LRFN2: variants seen among roughly 807,000 people sequenced by gnomAD.
The protein encoded by LRFN2 is leucine-rich repeat and fibronectin type-III domain-containing protein 2.
LRFN2 carries 18 observed loss-of-function variants against 37.3 expected under a neutral mutation model. That is an observed-to-expected ratio of 0.48 (90% CI 0.33 to 0.72). The LOEUF (loss-of-function observed/expected upper bound fraction) is 0.72, where lower values mean the gene tolerates loss of function less well. Among genes scored for constraint, LRFN2 ranks in the 30% least tolerant of loss-of-function variants. The pLI is 0.02. For missense variants in LRFN2, 1,006 were observed against 1,060.7 expected, an observed-to-expected ratio of 0.95 and a Z score of 0.72; for synonymous variants, 556 against 466.6, an observed-to-expected ratio of 1.19 and a Z score of -2.47.
chr6:40,536,469 C>T (rs1399036227), intron 1 of LRFN2, among the ~76,000 whole-genome samples: 1 of 152,146 alleles, frequency 6.6e-6, no homozygotes, highest in Non-Finnish European at 1.5e-5. Flanking sequence ...AGAATGACAG[C>T]AAATGAAGGT....
intron 2 of LRFN2, among the ~76,000 whole-genome samples, chr6:40,422,686 G>A (rs535693374): frequency 1.5e-4 from 23 of 152,258 alleles, no homozygotes; most frequent in African/African-American, 4.3e-4. Context: ...CACCACTACA[G>A]CATTGTCCCC....
chr6:40,506,272 A>G (rs958780941), intron 1 of LRFN2, among the ~76,000 whole-genome samples: 2 of 152,224 alleles, frequency 1.3e-5, no homozygotes, highest in Non-Finnish European at 1.5e-5. Flanking sequence ...ACCACAAGTC[A>G]TCAGAATAAA....
chr6:40,447,135 C>T (rs1763989970), intron 1 of LRFN2, among the ~76,000 whole-genome samples: 1 of 152,224 alleles, frequency 6.6e-6, no homozygotes, highest in South Asian at 2.1e-4. Context: ...GGCTGTGTCT[C>T]CGCTCAGACT....
At chr6:40,451,005 T>A (rs1436850275) in intron 1 of LRFN2, among the ~76,000 whole-genome samples, 1 of 152,200 alleles carries the variant, frequency 6.6e-6, no homozygotes, top group Non-Finnish European at 1.5e-5. Flanking sequence ...ACACCATAAA[T>A]GCATCTCCAT....
At chr6:40,484,586 G>A (rs1561874132) in intron 1 of LRFN2, among the ~76,000 whole-genome samples, 1 of 152,170 alleles carries the variant, frequency 6.6e-6, no homozygotes, top group Non-Finnish European at 1.5e-5. Flanking sequence ...AGTATACTTG[G>A]AGGGGCAGGG....
intron 1 of LRFN2, among the ~76,000 whole-genome samples, chr6:40,472,313 A>T (rs1764617154): frequency 6.6e-6 from 1 of 152,236 alleles, no homozygotes; most frequent in South Asian, 2.1e-4. Flanking sequence ...GGGGCTTTGA[A>T]AAAACCAGGA....
intron 1 of LRFN2, among the ~76,000 whole-genome samples, chr6:40,513,543 A>G (rs1765774390): frequency 6.6e-6 from 1 of 152,154 alleles, no homozygotes; most frequent in Admixed American, 6.5e-5. Flanking sequence ...CTCATTTAAC[A>G]ATTTTTTGAA....
chr6:40,450,767 C>G (rs1222203318), intron 1 of LRFN2, among the ~76,000 whole-genome samples: 1 of 152,202 alleles, frequency 6.6e-6, no homozygotes, highest in Non-Finnish European at 1.5e-5. Flanking sequence ...TTTCACTGGC[C>G]TCCACCTCCA....
intron 1 of LRFN2, among the ~76,000 whole-genome samples, chr6:40,466,893 C>T (rs1273454772): frequency 6.6e-6 from 1 of 151,912 alleles, no homozygotes; most frequent in Non-Finnish European, 1.5e-5. Context: ...TATATGGGGC[C>T]GTAATCCCAT....
intron 2 of LRFN2, among the ~76,000 whole-genome samples, chr6:40,412,474 T>C (rs990512013): frequency 3.3e-5 from 5 of 152,184 alleles, no homozygotes; most frequent in African/African-American, 1.2e-4. Context: ...GTACATCGTC[T>C]GGAGGGTATG....
Position 40,432,701 on chromosome 6 carries a change from C to A in LRFN2, c.413G>T (p.Gly138Val). Reference protein sequence around the residue: ...HLIVNNNQLGGIADEAFEDFL... With the variant: ...HLIVNNNQLGVIADEAFEDFL... ...GTCCTCAAAAGCCTCATCTGCGATG[C>A]CGCCCAGCTGGTTGTTGTTCACGAT... Residue 138 changes from glycine (G) to valine (V), a missense_variant, in exon 2 of 3, where the codon GGC becomes GTC. Around this residue, in one of 4 missense-constraint regions of LRFN2, gnomAD observed 185 missense variants for 254.9 expected, o/e 0.73. Transcript: ENST00000338305. 6.2e-7 allele frequency: 1 copy of A among 1,614,134 alleles called. No homozygotes were observed.
At chr6:40,451,789 A>C in intron 1 of LRFN2, among the ~76,000 whole-genome samples, 1 of 152,128 alleles carries the variant, frequency 6.6e-6, no homozygotes, top group East Asian at 1.9e-4. Context: ...AGGGGAGGCA[A>C]GGTGCCCCTT....
In LRFN2 at chr6:40,392,110, C is replaced by T. The variant is rs1762516672; in HGVS notation, c.2203G>A (p.Gly735Arg). The change falls in exon 3 of 3, where the codon GGA (glycine) becomes AGA (arginine). Residue 735 changes from glycine (G) to arginine (R), a missense_variant. By Grantham distance (125) the Gly-to-Arg change is moderately radical (BLOSUM62 -2). Transcript: ENST00000338305. The surrounding 1 kb of genome is among the most constrained non-coding windows in gnomAD (Gnocchi z 4.7). ...DMGDFAAAAA[G>R]GVVPGGYSPP... is the part of the protein sequence containing the mutation. ...CTGTAGCCGCCCGGCACGACCCCTC[C>T]CGCCGCCGCAGCAGCAAAGTCCCCC... The T allele has an allele frequency of 6.2e-7, 1 of 1,613,202 alleles. No individual in the cohort carries two copies. The highest frequency in any genetic ancestry group is 1.3e-5 in the African/African-American group (1 of 74,926).
chr6:40,543,762 A>G (rs187538050), intron 1 of LRFN2, among the ~76,000 whole-genome samples: 11 of 152,356 alleles, frequency 7.2e-5, no homozygotes, highest in African/African-American at 2.4e-4. Flanking sequence ...TAGGCATCCT[A>G]GCAGCATGCT....
intron 1 of LRFN2, among the ~76,000 whole-genome samples, chr6:40,476,115 C>T (rs1223769177): frequency 2.6e-5 from 4 of 152,308 alleles, no homozygotes; most frequent in Admixed American, 6.5e-5. Flanking sequence ...GGCCTGATTC[C>T]GTTCAGCCCA....
chr6:40,425,382 G>A (rs1439360834), intron 2 of LRFN2, among the ~76,000 whole-genome samples: 3 of 152,212 alleles, frequency 2.0e-5, no homozygotes, highest in Admixed American at 2.0e-4. Context: ...ATCACGCCTG[G>A]TGACAGATGT....
At chr6:40,479,415 C>G (rs903190406) in intron 1 of LRFN2, among the ~76,000 whole-genome samples, 1 of 152,220 alleles carries the variant, frequency 6.6e-6, no homozygotes, top group Non-Finnish European at 1.5e-5. Flanking sequence ...AGTGCCAGCT[C>G]TGACACTAGA....
At chr6:40,409,330 C>A (rs1006750597) in intron 2 of LRFN2, among the ~76,000 whole-genome samples, 1 of 152,154 alleles carries the variant, frequency 6.6e-6, no homozygotes, top group African/African-American at 2.4e-5. Context: ...CTGTGCCATG[C>A]CTGGTGAGTC....
intron 1 of LRFN2, among the ~76,000 whole-genome samples, chr6:40,530,536 C>T (rs986127673): frequency 2.6e-5 from 4 of 152,102 alleles, no homozygotes; most frequent in Admixed American, 2.0e-4. Flanking sequence ...CTCTATAACG[C>T]TCTGTTCTTC....
Sources: gnomAD v4.1 joint callset for allele counts (sites outside exome capture counted in the v4.1 genomes callset) on GRCh38, gnomAD v4.1.1 for gene constraint, gnomAD v4.1.1 regional missense constraint, Gnocchi (gnomAD v3.1) non-coding constraint, MANE v1.5 for transcripts, NCBI Gene and HGNC (gene_info 2026-07-23, HGNC 2026-07-21) for gene names.